The following ADAMTS17 variants were observed in gnomAD, a reference collection of about 807,000 sequenced individuals.
ADAMTS17 encodes the protein A disintegrin and metalloproteinase with thrombospondin motifs 17.
Under a neutral mutation model 141.5 loss-of-function variants are expected in ADAMTS17, and 113 were observed. The ratio of observed to expected loss-of-function variants is 0.80; its 90% confidence interval spans 0.69 to 0.93. The LOEUF (loss-of-function observed/expected upper bound fraction) is 0.93, where lower values mean the gene tolerates loss of function less well. ADAMTS17 is among the 40% of genes least tolerant of loss of function. The probability of loss-of-function intolerance (pLI) is 0.00; values close to 1 mark genes in which losing one functional copy is unlikely to be tolerated. For synonymous variants in ADAMTS17, 768 were observed against 630.6 expected, an observed-to-expected ratio of 1.22 and a Z score of -3.27; for missense variants, 1,659 against 1,517.9, an observed-to-expected ratio of 1.09 and a Z score of -1.54.
At chr15:99,986,613 T>C (rs1030622394) in intron 20 of ADAMTS17, among the ~76,000 whole-genome samples, 1 of 152,196 alleles carries the variant, frequency 6.6e-6, no homozygotes, top group Admixed American at 6.5e-5. Context: ...AAGGGAACAC[T>C]GTTCTCTTCC....
chr15:100,064,728 A>T (rs927002764), intron 15 of ADAMTS17, among the ~76,000 whole-genome samples: 2 of 152,220 alleles, frequency 1.3e-5, no homozygotes, highest in African/African-American at 4.8e-5. Context: ...CTCAGGGAAA[A>T]CATGACGGAA....
chr15:100,190,852 C>G (rs1194483657), intron 8 of ADAMTS17, among the ~76,000 whole-genome samples: 1 of 152,226 alleles, frequency 6.6e-6, no homozygotes, highest in African/African-American at 2.4e-5. Flanking sequence ...AGAGAGCCAC[C>G]TGGACAGGGC....
In ADAMTS17 at chr15:100,096,368, C is replaced by T. The variant is rs147753194; in HGVS notation, c.2125G>A (p.Ala709Thr). 32 of 1,613,750 alleles carry T rather than the reference C, an allele frequency of 2.0e-5. No individual in the cohort carries two copies. Among genetic ancestry groups the T allele is most frequent in the African/African-American group, 9.3e-5 (7 of 74,918 alleles). ...GGCCAACACTCACCTGTCCCCCGGGCGTGGCTGAAGTCGCCCTTCACCAAG... is the reference window on the plus strand; with the variant it reads ...GGCCAACACTCACCTGTCCCCCGGGTGTGGCTGAAGTCGCCCTTCACCAAG... ...CHLVKGDFSH[A>T]RGTALKDSGK... is the part of the protein sequence containing the mutation. The change falls in exon 15 of 22, where the codon GCC becomes ACC. Residue 709 changes from alanine to threonine, a missense_variant. Transcript: ENST00000268070.
At chr15:100,222,220 G>A (rs2042155627) in intron 7 of ADAMTS17, among the ~76,000 whole-genome samples, 1 of 152,152 alleles carries the variant, frequency 6.6e-6, no homozygotes, top group African/African-American at 2.4e-5. Flanking sequence ...TCCCAGAAAG[G>A]AAGCAGAGTG....
intron 18 of ADAMTS17, among the ~76,000 whole-genome samples, chr15:100,047,632 C>T (rs1355709774): frequency 6.6e-6 from 1 of 152,126 alleles, no homozygotes. Context: ...GACCTTTTTG[C>T]TCAATCATGC....
intron 15 of ADAMTS17, among the ~76,000 whole-genome samples, chr15:100,082,406 GGTCTC>G (rs1257944177): frequency 5.3e-5 from 8 of 151,264 alleles, no homozygotes; most frequent in Non-Finnish European, 1.0e-4. Context: ...TTTGAGACAG[GGTCTC>G]AGTCTGTTGC....
intron 10 of ADAMTS17, among the ~76,000 whole-genome samples, chr15:100,142,203 A>C (rs2038688852): frequency 6.6e-6 from 1 of 152,238 alleles, no homozygotes; most frequent in Admixed American, 6.5e-5. Flanking sequence ...CATCAGAGGA[A>C]CAAACTTTGT....
intron 10 of ADAMTS17, among the ~76,000 whole-genome samples, chr15:100,148,525 T>G (rs1210462947): frequency 6.6e-6 from 1 of 152,162 alleles, no homozygotes; most frequent in Non-Finnish European, 1.5e-5. Context: ...GACAGCCTTT[T>G]TTTTTTTAGT....
rs181187632 is a variant in ADAMTS17, at chr15:100,078,190, C to T, written c.2137+18166G>A. Among the ~76,000 whole-genome samples the T allele has an allele frequency of 2.7e-5, 4 of 149,408 alleles. No individual in the cohort carries two copies. In the South Asian group the frequency reaches 6.3e-4, roughly 24 times the overall value. On this transcript the variant is annotated intron_variant, in intron 15 of 21. Coordinates refer to ENST00000268070, the MANE Select transcript of ADAMTS17 (RefSeq NM_139057.4). ...TTCACAAATTGGTCTACAGATTCAA[C>T]GTAATCCCTATAAAAAAATCCCAGC...
At chr15:100,254,753 C>T (rs1567436497) in intron 6 of ADAMTS17, among the ~76,000 whole-genome samples, 1 of 152,172 alleles carries the variant, frequency 6.6e-6, no homozygotes, top group Non-Finnish European at 1.5e-5. Flanking sequence ...AACAGAAAAG[C>T]AAACACCACA....
At chr15:100,271,611 A>T (rs1363194458) in intron 4 of ADAMTS17, among the ~76,000 whole-genome samples, 1 of 150,828 alleles carries the variant, frequency 6.6e-6, no homozygotes, top group Non-Finnish European at 1.5e-5. Context: ...CCTGGGTTTT[A>T]GAAGCTTTCT....
chr15:100,321,236 G>C (rs1004422096), intron 3 of ADAMTS17, among the ~76,000 whole-genome samples: 2 of 152,042 alleles, frequency 1.3e-5, no homozygotes, highest in Non-Finnish European at 2.9e-5. Flanking sequence ...GAAGAGAGAA[G>C]GGGAAATTTT....
chr15:100,201,333 T>TC (rs1277189178), intron 7 of ADAMTS17, among the ~76,000 whole-genome samples: 6 of 151,774 alleles, frequency 4.0e-5, no homozygotes, highest in Non-Finnish European at 7.4e-5. Flanking sequence ...GTTCTTCCCC[T>TC]CCCCCCTCTC....
intron 10 of ADAMTS17, among the ~76,000 whole-genome samples, chr15:100,134,249 T>A (rs2038210362): frequency 6.6e-6 from 1 of 152,180 alleles, no homozygotes. Context: ...CCGACAGCAG[T>A]CACTTACTCA....
intron 8 of ADAMTS17, among the ~76,000 whole-genome samples, chr15:100,156,997 G>C (rs1005192113): frequency 2.0e-5 from 3 of 152,216 alleles, no homozygotes; most frequent in African/African-American, 7.2e-5. Flanking sequence ...CTGCCAGGGA[G>C]ACCTCAGGAA....
At position 100,026,656 on chromosome 15, in the gene ADAMTS17, G is replaced by A. The variant is rs181506923; in HGVS notation, c.2591+22201C>T. On this transcript the variant is annotated intron_variant, in intron 18 of 21. Coordinates refer to ENST00000268070, the MANE Select transcript of ADAMTS17 (RefSeq NM_139057.4). ...ACCTGGGTCTGGGGGACAATGGCAT[G>A]GGGATCCACCATCTTGTCTTGCTGC... Among the ~76,000 whole-genome samples, 7 of 152,338 alleles carry A rather than the reference G, an allele frequency of 4.6e-5. No homozygotes were observed. The East Asian group carries it at 1.3e-3, about 29-fold the overall frequency.
chr15:100,146,569 T>C (rs2038914456), intron 10 of ADAMTS17, among the ~76,000 whole-genome samples: 1 of 152,202 alleles, frequency 6.6e-6, no homozygotes, highest in South Asian at 2.1e-4. Context: ...TTTGAACAAA[T>C]ATGAAATCTG....
intron 15 of ADAMTS17, among the ~76,000 whole-genome samples, chr15:100,089,042 G>A (rs2035285256): frequency 6.6e-6 from 1 of 151,748 alleles, no homozygotes; most frequent in African/African-American, 2.4e-5. Context: ...TACCATCAGA[G>A]TGAACAGGCA....
chr15:100,101,302 A>G (rs1466271175), intron 14 of ADAMTS17, among the ~76,000 whole-genome samples: 1 of 152,182 alleles, frequency 6.6e-6, no homozygotes, highest in Non-Finnish European at 1.5e-5. Context: ...AATCTCTGGA[A>G]TGATCACGTT....
Sources: allele counts gnomAD v4.1 joint callset (sites outside exome capture counted in the v4.1 genomes callset), GRCh38; gene constraint gnomAD v4.1.1; transcripts MANE v1.5; gene names NCBI Gene and HGNC (gene_info 2026-07-23, HGNC 2026-07-21).